The following KDM4B variants were observed in gnomAD, a reference collection of about 807,000 sequenced individuals.
KDM4B encodes lysine demethylase 4B, also known as lysine-specific demethylase 4B.
A neutral mutation model predicts 125.2 loss-of-function variants in KDM4B; 32 were observed. The ratio of observed to expected loss-of-function variants is 0.26; its 90% CI spans 0.19 to 0.34. KDM4B has a LOEUF of 0.34. Among genes scored for constraint, KDM4B ranks in the 10% least tolerant of loss-of-function variants. KDM4B has a pLI of 1.00. For synonymous variants in KDM4B, 721 were observed against 677.9 expected, an observed-to-expected ratio of 1.06 and a Z score of -0.99; for missense variants, 1,190 against 1,577.7, an observed-to-expected ratio of 0.75 and a Z score of 4.16.
At chr19:4,986,035 A>T (rs1224042879) in intron 1 of KDM4B, among the ~76,000 whole-genome samples, 1 of 152,200 alleles carries the variant, frequency 6.6e-6, no homozygotes, top group African/African-American at 2.4e-5. Flanking sequence ...GAGCTGAAAG[A>T]GATCATCTTG....
At chr19:5,060,298 G>T (rs745701966) in intron 6 of KDM4B, among the ~76,000 whole-genome samples, 1 of 152,034 alleles carries the variant, frequency 6.6e-6, no homozygotes, top group Non-Finnish European at 1.5e-5. Context: ...AATTAGCCGG[G>T]TGTTGTGGTG....
At chr19:5,016,641 G>A (rs1466143979) in intron 2 of KDM4B, among the ~76,000 whole-genome samples, 1 of 152,230 alleles carries the variant, frequency 6.6e-6, no homozygotes, top group Admixed American at 6.5e-5. Context: ...CATTTCGGGT[G>A]ACACTGGGGT....
In KDM4B at chr19:5,141,711, C is replaced by T. The variant is rs1210644662; in HGVS notation, c.2551-2256C>T. ...GTCCTGGTGAGTCAGGGGGCTCCGG[C>T]TGGCCGCCCGCCTGGGCCAAGTTAT... On this transcript the variant is annotated intron_variant, in intron 18 of 22. Coordinates refer to ENST00000159111, the MANE Select transcript of KDM4B (RefSeq NM_015015.3). This position sits in a 1 kb window ranked among gnomAD's most constrained non-coding sequence, Gnocchi z 6.4. 6.6e-6 allele frequency among the ~76,000 whole-genome samples: 1 copy of T among 152,210 alleles called. No homozygotes were observed. Among genetic ancestry groups the T allele is most frequent in the Non-Finnish European group, 1.5e-5 (1 of 68,044 alleles).
In KDM4B at chr19:5,144,141, G is replaced by A; in HGVS notation, c.2725G>A (p.Gly909Arg). 2 of 1,596,382 alleles carry A rather than the reference G, an allele frequency of 1.3e-6. No individual in the cohort carries two copies. Among genetic ancestry groups the A allele is most frequent in the Non-Finnish European group, 1.7e-6 (2 of 1,166,896 alleles). The change falls in exon 19 of 23, where the codon GGG becomes AGG. Residue 909 changes from glycine to arginine, a missense_variant. Around this residue, in one of 7 missense-constraint regions of KDM4B, gnomAD observed 298 missense variants for 439.7 expected, o/e 0.68. Coordinates refer to ENST00000159111, the MANE Select transcript of KDM4B (RefSeq NM_015015.3). Reference sequence around the variant, plus strand: ...CATCACCTGCCTCAAGCACAAGTCGGGGGGTCACGCTGTGAGTGCCTGCCC... The same window carrying A: ...CATCACCTGCCTCAAGCACAAGTCGAGGGGTCACGCTGTGAGTGCCTGCCC... The part of the protein sequence containing the change: ...VSITCLKHKS[G>R]GHAVQLLRAV...
intron 2 of KDM4B, among the ~76,000 whole-genome samples, chr19:5,026,009 A>G (rs2036266646): frequency 6.6e-6 from 1 of 151,966 alleles, no homozygotes; most frequent in Admixed American, 6.6e-5. Flanking sequence ...CAGTCTCCCA[A>G]GTAGCTGGGA....
Position 5,011,925 on chromosome 19 carries a change from G to T in KDM4B, c.-108-4332G>T, listed in dbSNP as rs73540688. ...AGTGGTCTCTTCTTCCGCCCCACCC[G>T]CGGGTCTTGGCGGAGGGGCTCACAG... On this transcript the variant is annotated intron_variant, in intron 1 of 22. Coordinates refer to ENST00000159111, the MANE Select transcript of KDM4B (RefSeq NM_015015.3). Among the ~76,000 whole-genome samples, 624 of 152,326 alleles carry T rather than the reference G, an allele frequency of 4.1e-3. 9 individuals carry two copies. The highest frequency in any genetic ancestry group is 0.014 in the African/African-American group (594 of 41,580).
At chr19:5,006,232 C>G (rs1233367768) in intron 1 of KDM4B, among the ~76,000 whole-genome samples, 3 of 152,018 alleles carry the variant, frequency 2.0e-5, no homozygotes, top group African/African-American at 7.3e-5. Context: ...TACTGGAACC[C>G]CACCCTGCCT....
intron 9 of KDM4B, among the ~76,000 whole-genome samples, chr19:5,099,354 A>G (rs1399557687): frequency 1.3e-5 from 2 of 152,200 alleles, no homozygotes; most frequent in African/African-American, 4.8e-5. Context: ...TCCCTGCACC[A>G]TCACCCCCAG....
chr19:5,033,328 A>G (rs1267331899), intron 3 of KDM4B, among the ~76,000 whole-genome samples: 2 of 152,214 alleles, frequency 1.3e-5, no homozygotes, highest in Non-Finnish European at 2.9e-5. Context: ...GCAGTGGGCC[A>G]CCAGGTTGTT....
At chr19:5,117,667 T>C (rs1057438107) in intron 10 of KDM4B, among the ~76,000 whole-genome samples, 6 of 152,140 alleles carry the variant, frequency 3.9e-5, no homozygotes, top group African/African-American at 1.4e-4. Flanking sequence ...GGGCTGCTGT[T>C]GTGGAGAACG....
rs374331345 is a variant in KDM4B at position 5,130,272 on chromosome 19, C to T, written c.1316-804C>T. Among the ~76,000 whole-genome samples the T allele has an allele frequency of 1.5e-4, 23 of 152,330 alleles. No homozygotes were observed. In the South Asian group the frequency reaches 3.3e-3, roughly 22 times the overall value. ...GTCCCTCTGTCATGTCCCACATCCACATGTCCAGGAGAGTTGGGACCCGCA... is the reference window on the plus strand; with the variant it reads ...GTCCCTCTGTCATGTCCCACATCCATATGTCCAGGAGAGTTGGGACCCGCA... On this transcript the variant is annotated intron_variant, in intron 11 of 22. Transcript: ENST00000159111.
chr19:5,036,213 G>A (rs370987864), intron 3 of KDM4B, among the ~76,000 whole-genome samples: 2 of 152,336 alleles, frequency 1.3e-5, no homozygotes, highest in East Asian at 3.9e-4. Flanking sequence ...GTGTGTGTGC[G>A]TGCATGTATG....
chr19:5,146,764 C>A (rs959328276), intron 21 of KDM4B, among the ~76,000 whole-genome samples: 2 of 139,688 alleles, frequency 1.4e-5, no homozygotes, highest in African/African-American at 5.3e-5. Context: ...CCCCCCCCCC[C>A]CACAATCTCT....
chr19:5,048,741 T>C lies in KDM4B; in HGVS notation c.626+1072T>C, dbSNP rs1159123746. Among the ~76,000 whole-genome samples the C allele has an allele frequency of 2.0e-5, 3 of 152,222 alleles. No individual in the cohort carries two copies. In the East Asian group the frequency reaches 5.8e-4, roughly 29 times the overall value. ...GAAAGGCCCTGTAGAGGACCCCGTG[T>C]GACTTGGGGCAAAGCGTGGCCTCCC... is the stretch of plus-strand genomic sequence containing the variant. On this transcript the variant is annotated intron_variant, in intron 6 of 22. Coordinates refer to ENST00000159111, the MANE Select transcript of KDM4B (RefSeq NM_015015.3).
intron 2 of KDM4B, among the ~76,000 whole-genome samples, chr19:5,024,501 C>G (rs975373806): frequency 6.6e-6 from 1 of 152,136 alleles, no homozygotes; most frequent in Non-Finnish European, 1.5e-5. Flanking sequence ...TGTTCCTCCC[C>G]CAGGTTGCAG....
chr19:4,985,691 G>A (rs2034803710), intron 1 of KDM4B, among the ~76,000 whole-genome samples: 3 of 152,238 alleles, frequency 2.0e-5, no homozygotes, highest in African/African-American at 7.2e-5. Flanking sequence ...CGAATGTGCA[G>A]TGGAAGCCTG....
chr19:5,146,390 G>A (rs938047633), intron 21 of KDM4B, among the ~76,000 whole-genome samples: 3 of 152,256 alleles, frequency 2.0e-5, no homozygotes, highest in African/African-American at 7.2e-5. Context: ...GAAGGGGGTG[G>A]TTTCGGGGAC....
chr19:5,030,136 G>A (rs2036405892), intron 2 of KDM4B, among the ~76,000 whole-genome samples: 1 of 152,116 alleles, frequency 6.6e-6, no homozygotes, highest in Non-Finnish European at 1.5e-5. Flanking sequence ...TTTGAGACAG[G>A]ATCACTGTCA....
intron 3 of KDM4B, among the ~76,000 whole-genome samples, chr19:5,036,957 C>T (rs941884281): frequency 2.0e-5 from 3 of 152,204 alleles, no homozygotes; most frequent in Non-Finnish European, 2.9e-5. Flanking sequence ...TCCGTGTGTG[C>T]GGCGCAGACA....
Sources: allele counts gnomAD v4.1 joint callset (sites outside exome capture counted in the v4.1 genomes callset), GRCh38; gene constraint gnomAD v4.1.1; regional missense constraint gnomAD v4.1.1; non-coding constraint Gnocchi (gnomAD v3.1); transcripts MANE v1.5; gene names NCBI Gene and HGNC (gene_info 2026-07-23, HGNC 2026-07-21).